Variants in FRMD4A observed in about 807,000 individuals in gnomAD.
FRMD4A encodes FERM domain-containing protein 4A.
Under a neutral mutation model 129.1 loss-of-function variants are expected in FRMD4A, and 29 were observed. The observed-to-expected ratio is 0.22, with a 90% CI of 0.17 to 0.31. The LOEUF (loss-of-function observed/expected upper bound fraction) is 0.31, where lower values mean the gene tolerates loss of function less well. Among genes scored for constraint, FRMD4A ranks in the 10% least tolerant of loss-of-function variants. The pLI, the probability that FRMD4A is intolerant of heterozygous loss-of-function variation, is 1.00. For missense variants in FRMD4A, 1,272 were observed against 1,375.8 expected (o/e 0.92, Z 1.19); for synonymous variants, 634 against 571.6 (o/e 1.11, Z -1.56).
chr10:13,799,651 G>T (rs906503367), intron 4 of FRMD4A, among the ~76,000 whole-genome samples: 6 of 152,152 alleles, frequency 3.9e-5, no homozygotes, highest in African/African-American at 1.4e-4. Flanking sequence ...CCATGTGTAT[G>T]GCATGCGCCT....
chr10:13,825,926 C>G lies in FRMD4A; in HGVS notation c.112-15018G>C, dbSNP rs550324867. 4.6e-5 allele frequency among the ~76,000 whole-genome samples: 7 copies of G among 152,290 alleles called. No individual in the cohort carries two copies. The South Asian group carries it at 1.5e-3, about 32-fold the overall frequency. On this transcript the variant is annotated intron_variant, in intron 3 of 24. Transcript: ENST00000357447. The stretch of plus-strand genomic sequence containing the variant: ...TCCTGCAACCAATGCCCTGTGGATG[C>G]CAAGGGATAACTGTGCTGTGATTCT...
At chr10:14,212,619 C>A (rs894120310) in intron 2 of FRMD4A, among the ~76,000 whole-genome samples, 1 of 152,152 alleles carries the variant, frequency 6.6e-6, no homozygotes, top group African/African-American at 2.4e-5. Flanking sequence ...GTCTTGAAAC[C>A]AGAGTAGGAG....
rs547243535 is a variant in FRMD4A at position 14,052,213 on chromosome 10, G to C, written c.46-193301C>G. Among the ~76,000 whole-genome samples the C allele has an allele frequency of 6.6e-5, 10 of 152,260 alleles. No individual in the cohort carries two copies. The South Asian group carries it at 2.1e-3, about 32-fold the overall frequency. ...CTCCAGAGGGAACTAACCCTGAGGA[G>C]ACCTTGACTTTCGACTTTCAGCCTC... is the stretch of plus-strand genomic sequence containing the variant. On this transcript the variant is annotated intron_variant, in intron 2 of 24. Coordinates refer to ENST00000357447, the MANE Select transcript of FRMD4A (RefSeq NM_018027.5).
intron 2 of FRMD4A, among the ~76,000 whole-genome samples, chr10:13,928,164 G>A (rs967550875): frequency 3.1e-4 from 47 of 151,946 alleles, no homozygotes; most frequent in African/African-American, 1.0e-3. Flanking sequence ...GGGACTATAG[G>A]TGCATTTCAC....
chr10:14,311,653 G>A (rs1846553640), intron 2 of FRMD4A, among the ~76,000 whole-genome samples: 2 of 131,562 alleles, frequency 1.5e-5, no homozygotes, highest in South Asian at 5.3e-4. Flanking sequence ...GCCTTACTCA[G>A]TTCCAGGTGG....
intron 8 of FRMD4A, among the ~76,000 whole-genome samples, chr10:13,750,101 A>AAATG (rs1220254048): frequency 0.023 from 2,512 of 109,842 alleles, 37 homozygotes; most frequent in Non-Finnish European, 0.038. Context: ...AGAAAGAAAG[A>AAATG]AAGAAATGAA....
At chr10:14,074,893 A>T (rs1835493821) in intron 2 of FRMD4A, 2 of 152,158 alleles carry the variant, frequency 1.3e-5, no homozygotes. Flanking sequence ...GACTTCCAGG[A>T]ATTTACTCTT....
intron 2 of FRMD4A, among the ~76,000 whole-genome samples, chr10:14,193,929 T>G (rs1842395952): frequency 6.6e-6 from 1 of 152,168 alleles, no homozygotes; most frequent in Non-Finnish European, 1.5e-5. Context: ...GAATTTTTCC[T>G]GATTCAAAGT....
chr10:14,148,739 G>C (rs1205921123), intron 2 of FRMD4A, among the ~76,000 whole-genome samples: 1 of 151,386 alleles, frequency 6.6e-6, no homozygotes, highest in Admixed American at 6.6e-5. Flanking sequence ...TCCAGCCTAG[G>C]TGACAGAGCG....
chr10:13,975,061 G>T (rs1034560675), intron 2 of FRMD4A, among the ~76,000 whole-genome samples: 1 of 151,892 alleles, frequency 6.6e-6, no homozygotes, highest in Non-Finnish European at 1.5e-5. Context: ...CTGAGTCTGT[G>T]TGTGTATGTG....
chr10:14,182,432 A>G (rs1841943280), intron 2 of FRMD4A, among the ~76,000 whole-genome samples: 1 of 152,238 alleles, frequency 6.6e-6, no homozygotes, highest in South Asian at 2.1e-4. Flanking sequence ...CTATAGTTTC[A>G]GCTACTTGGA....
At chr10:14,100,366 TG>T (rs2131773940) in intron 2 of FRMD4A, among the ~76,000 whole-genome samples, 1 of 152,270 alleles carries the variant, frequency 6.6e-6, no homozygotes, top group Non-Finnish European at 1.5e-5. Context: ...GAAAAACTCC[TG>T]GTGAAAAATA....
chr10:14,099,150 G>A (rs961215180), intron 2 of FRMD4A, among the ~76,000 whole-genome samples: 1 of 152,178 alleles, frequency 6.6e-6, no homozygotes, highest in South Asian at 2.1e-4. Context: ...CCTCCACCTC[G>A]GTCAAGCCTC....
chr10:13,714,416 A>G (rs11258547), intron 12 of FRMD4A, among the ~76,000 whole-genome samples: 92,011 of 149,300 alleles, frequency 0.62, 29,042 homozygotes, highest in Middle Eastern at 0.72. Flanking sequence ...TTTTTTTTCT[A>G]TCAGTTTTTT....
chr10:14,220,023 G>A lies in FRMD4A; in HGVS notation c.45+110035C>T, dbSNP rs554904234. Among the ~76,000 whole-genome samples, 40 of 152,282 alleles carry A rather than the reference G, an allele frequency of 2.6e-4. No individual in the cohort carries two copies. The South Asian group carries it at 7.9e-3, about 30-fold the overall frequency. ...TAGAGCCTATCTGTGAAGTGACGAA[G>A]CAGTTTTCATGCCAGGGTGTCTACT... On this transcript the variant is annotated intron_variant, in intron 2 of 24. Coordinates refer to ENST00000357447, the MANE Select transcript of FRMD4A (RefSeq NM_018027.5).
intron 2 of FRMD4A, among the ~76,000 whole-genome samples, chr10:14,177,358 A>C (rs983151310): frequency 6.6e-6 from 1 of 151,852 alleles, no homozygotes; most frequent in African/African-American, 2.4e-5. Context: ...TTTTCAGTAG[A>C]GATGGGGTTT....
At chr10:14,208,153 A>G (rs141288637) in intron 2 of FRMD4A, among the ~76,000 whole-genome samples, 6 of 152,286 alleles carry the variant, frequency 3.9e-5, no homozygotes, top group African/African-American at 1.4e-4. Context: ...CTATGATCAC[A>G]CTACTGGCCT....
chr10:14,047,749 AT>A (rs1203531119), intron 2 of FRMD4A, among the ~76,000 whole-genome samples: 3 of 152,204 alleles, frequency 2.0e-5, no homozygotes, highest in Non-Finnish European at 2.9e-5. Context: ...TCCAGGAAGT[AT>A]GGGAGAATGG....
intron 3 of FRMD4A, among the ~76,000 whole-genome samples, chr10:13,835,150 A>C (rs941332339): frequency 6.6e-6 from 1 of 152,174 alleles, no homozygotes; most frequent in Non-Finnish European, 1.5e-5. Flanking sequence ...GAGGGCTTTG[A>C]TGGCCGCCGA....
Sources: gnomAD v4.1 joint callset for allele counts (sites outside exome capture counted in the v4.1 genomes callset) on GRCh38, gnomAD v4.1.1 for gene constraint, MANE v1.5 for transcripts, NCBI Gene and HGNC (gene_info 2026-07-23, HGNC 2026-07-21) for gene names.